SAP18: variants seen among roughly 807,000 people sequenced by gnomAD.
The protein encoded by SAP18 is histone deacetylase complex subunit SAP18.
Under a neutral mutation model 18.6 loss-of-function variants are expected in SAP18, and 4 were observed. The ratio of observed to expected loss-of-function variants is 0.21; its 90% CI spans 0.11 to 0.49. The LOEUF is 0.49. Among genes scored for constraint, SAP18 ranks in the 20% least tolerant of loss-of-function variants. The pLI is 0.98. For missense variants in SAP18, 170 were observed against 226.4 expected (o/e 0.75, Z 1.60); for synonymous variants, 112 against 82.8 (o/e 1.35, Z -1.92).
chr13:21,142,280 C>CT (rs1231388105), intron 2 of SAP18, among the ~76,000 whole-genome samples: 1 of 151,016 alleles, frequency 6.6e-6, no homozygotes, highest in Admixed American at 6.6e-5. Flanking sequence ...GAGCGAGACT[C>CT]TGTCTCAAAA....
At chr13:21,143,106 T>C (rs926508125) in intron 2 of SAP18, among the ~76,000 whole-genome samples, 6 of 152,354 alleles carry the variant, frequency 3.9e-5, no homozygotes, top group African/African-American at 1.4e-4. Flanking sequence ...GCATCACATA[T>C]GTACTCATCT....
intron 2 of SAP18, among the ~76,000 whole-genome samples, chr13:21,145,587 G>C (rs1302928523): frequency 6.6e-6 from 1 of 151,996 alleles, no homozygotes; most frequent in Non-Finnish European, 1.5e-5. Flanking sequence ...GCTCACTGCA[G>C]CCTCCGCCTC....
exon 4 of SAP18, chr13:21,147,237 C>T (rs1017737921): frequency 1.9e-6 from 3 of 1,613,992 alleles, no homozygotes; most frequent in Non-Finnish European, 1.7e-6. Context: ...CTGATGATTC[C>T]ATGACCCTGC....
At chr13:21,147,548 A>G in exon 4 of SAP18, 2 of 553,950 alleles carry the variant, frequency 3.6e-6, no homozygotes, top group Non-Finnish European at 6.4e-6. Context: ...ATATGAAGAA[A>G]AGTGCTCTTA....
chr13:21,146,152 G>A (rs1367776525), intron 2 of SAP18, among the ~76,000 whole-genome samples: 1 of 152,162 alleles, frequency 6.6e-6, no homozygotes, highest in African/African-American at 2.4e-5. Context: ...TTCGAGACCA[G>A]CATGGCCAAC....
At chr13:21,140,531 C>T (rs201454186) in exon 1 of SAP18, 12 of 1,564,212 alleles carry the variant, frequency 7.7e-6, no homozygotes, top group African/African-American at 6.8e-5. Flanking sequence ...TCGAGCTTCT[C>T]CTCGCGAGAG....
chr13:21,146,798 A>G lies in SAP18; in HGVS notation c.240-7A>G. 1 of 1,578,252 alleles carries G rather than the reference A, an allele frequency of 6.3e-7. No homozygotes were observed. Among genetic ancestry groups the G allele is most frequent in the Non-Finnish European group, 8.6e-7 (1 of 1,167,768 alleles). On this transcript the variant is annotated splice_region_variant and splice_polypyrimidine_tract_variant and intron_variant, in intron 2 of 3. Coordinates refer to ENST00000621421, the Ensembl canonical transcript of SAP18. ...AAATGTAAATGTCTTTTTTAAAAAA[A>G]ATCCAGGATGGATGCAACCTTGAAA...
At chr13:21,140,636 G>A in exon 1 of SAP18, 2 of 1,612,972 alleles carry the variant, frequency 1.2e-6, no homozygotes, top group Middle Eastern at 1.7e-4. Context: ...GCGTTACCCA[G>A]GAGGAAATTA....
chr13:21,143,591 T>G (rs993146303), intron 2 of SAP18, among the ~76,000 whole-genome samples: 2 of 152,204 alleles, frequency 1.3e-5, no homozygotes, highest in Non-Finnish European at 2.9e-5. Flanking sequence ...CCAGGTGCTG[T>G]GTGTGCTTAG....
At chr13:21,141,198 T>C in intron 2 of SAP18, 1 of 588,504 alleles carries the variant, frequency 1.7e-6, no homozygotes, top group Non-Finnish European at 3.0e-6. Flanking sequence ...TTGTGATTAA[T>C]GTTGCAACTT....
exon 4 of SAP18, chr13:21,147,993 TTTAA>T (rs1386192356): frequency 3.3e-5 from 5 of 152,060 alleles, no homozygotes; most frequent in South Asian, 2.1e-4. Flanking sequence ...GGTAGAAAGG[TTTAA>T]TTAACCCTGG....
chr13:21,145,617 T>A (rs767466351), intron 2 of SAP18, among the ~76,000 whole-genome samples: 1 of 152,180 alleles, frequency 6.6e-6, no homozygotes, highest in Non-Finnish European at 1.5e-5. Flanking sequence ...GCGATTCTCT[T>A]GTCTCAGCCT....
intron 3 of SAP18, 35 bp from the exon 4 acceptor site, chr13:21,147,151 T>G (rs2137341212): frequency 6.3e-7 from 1 of 1,592,786 alleles, no homozygotes; most frequent in Non-Finnish European, 8.5e-7. Flanking sequence ...TTTCATTGAT[T>G]TGGATCCATT....
At chr13:21,146,257 G>T (rs1869646568) in intron 2 of SAP18, among the ~76,000 whole-genome samples, 1 of 152,216 alleles carries the variant, frequency 6.6e-6, no homozygotes, top group African/African-American at 2.4e-5. Flanking sequence ...TGAGGCAGGA[G>T]AATTGCTTGA....
chr13:21,148,914 T>G (rs1313162755), exon 4 of SAP18: 2 of 152,164 alleles, frequency 1.3e-5, no homozygotes, highest in Non-Finnish European at 2.9e-5. Context: ...GATTTCAATA[T>G]CCCATCAAAA....
chr13:21,142,351 G>C (rs1386153224), intron 2 of SAP18, among the ~76,000 whole-genome samples: 1 of 150,444 alleles, frequency 6.6e-6, no homozygotes, highest in Non-Finnish European at 1.5e-5. Context: ...TTTATTTTTT[G>C]AATCTCACTC....
exon 3 of SAP18, chr13:21,146,902 A>G (rs1417292145): frequency 1.2e-6 from 2 of 1,612,490 alleles, no homozygotes; most frequent in Non-Finnish European, 1.7e-6. Context: ...AATCGTTTTT[A>G]CAGATGTTAA....
At chr13:21,141,091 A>G in intron 2 of SAP18, 96 bp downstream of exon 2, 1 of 815,004 alleles carries the variant, frequency 1.2e-6, no homozygotes. Flanking sequence ...CCTGATTTCA[A>G]TTTCATTTCT....
chr13:21,146,896 G>A (rs1184964859), exon 3 of SAP18: 3 of 1,612,548 alleles, frequency 1.9e-6, no homozygotes, highest in Admixed American at 1.7e-5. Flanking sequence ...TTTTGCAATC[G>A]TTTTTACAGA....
Sources: gnomAD v4.1 joint callset for allele counts (sites outside exome capture counted in the v4.1 genomes callset) on GRCh38, gnomAD v4.1.1 for gene constraint, MANE v1.5 for transcripts, NCBI Gene and HGNC (gene_info 2026-07-23, HGNC 2026-07-21) for gene names.